Variants in REDIC1 observed in about 807,000 individuals in gnomAD.
REDIC1 encodes the protein regulator of DNA class I crossover intermediates 1.
the REDIC1 span, among the ~76,000 whole-genome samples, chr12:39,671,459 T>C: frequency 3.9e-5 from 6 of 152,192 alleles, no homozygotes; most frequent in African/African-American, 1.4e-4. Flanking sequence ...CTAGACAGCA[T>C]GTTTAGGTGC....
the REDIC1 span, among the ~76,000 whole-genome samples, chr12:39,705,548 T>C: frequency 6.6e-6 from 1 of 152,110 alleles, no homozygotes; most frequent in Non-Finnish European, 1.5e-5. Flanking sequence ...TGAATATTGA[T>C]GCAAAAATCT....
At chr12:39,739,671 A>G in the REDIC1 span, among the ~76,000 whole-genome samples, 1 of 152,218 alleles carries the variant, frequency 6.6e-6, no homozygotes. Context: ...GAAATTAATT[A>G]TAAAAGAGGC....
At chr12:39,727,989 T>C in the REDIC1 span, among the ~76,000 whole-genome samples, 1 of 152,242 alleles carries the variant, frequency 6.6e-6, no homozygotes, top group African/African-American at 2.4e-5. Flanking sequence ...CTTGTAATTT[T>C]TGCACATTGA....
chr12:39,804,001 GGAA>G, the REDIC1 span, among the ~76,000 whole-genome samples: 1 of 151,792 alleles, frequency 6.6e-6, no homozygotes, highest in African/African-American at 2.4e-5. Flanking sequence ...ATACAGTACA[GGAA>G]GAAGAAATGT....
chr12:39,700,937 C>T, the REDIC1 span, among the ~76,000 whole-genome samples: 4 of 151,506 alleles, frequency 2.6e-5, no homozygotes, highest in Admixed American at 6.6e-5. Flanking sequence ...CTGAAGGAAG[C>T]ACTAAACATG....
the REDIC1 span, among the ~76,000 whole-genome samples, chr12:39,871,100 A>G: frequency 2.0e-5 from 3 of 152,168 alleles, no homozygotes; most frequent in Non-Finnish European, 4.4e-5. Context: ...AGAAAATTAT[A>G]CCATGCAGCC....
At chr12:39,872,072 T>A in the REDIC1 span, 1 of 807,814 alleles carries the variant, frequency 1.2e-6, no homozygotes, top group Non-Finnish European at 1.8e-6. Context: ...AGAACTACAG[T>A]AATAACATCA....
At chr12:39,714,265 A>G in the REDIC1 span, among the ~76,000 whole-genome samples, 2 of 110,810 alleles carry the variant, frequency 1.8e-5, no homozygotes, top group African/African-American at 5.8e-5. Context: ...ATGCATGCAT[A>G]TATGTATATA....
the REDIC1 span, chr12:39,648,003 C>G: frequency 7.5e-7 from 1 of 1,341,106 alleles, no homozygotes; most frequent in East Asian, 2.7e-5. Flanking sequence ...TAGTTCTTAG[C>G]ATTTTATATA....
chr12:39,647,107 G>A, the REDIC1 span, among the ~76,000 whole-genome samples: 1 of 151,952 alleles, frequency 6.6e-6, no homozygotes, highest in African/African-American at 2.4e-5. Context: ...CTAGGCCTAT[G>A]TTTGCATAAC....
At chr12:39,863,491 A>G in the REDIC1 span, among the ~76,000 whole-genome samples, 11 of 152,296 alleles carry the variant, frequency 7.2e-5, no homozygotes, top group African/African-American at 2.6e-4. Flanking sequence ...AGAATATTCT[A>G]TGATTCTCAA....
At chr12:39,843,029 T>C in the REDIC1 span, among the ~76,000 whole-genome samples, 1 of 152,016 alleles carries the variant, frequency 6.6e-6, no homozygotes, top group Admixed American at 6.6e-5. Flanking sequence ...GGTATTTGGG[T>C]TATTTCTACG....
chr12:39,798,017 G>A, the REDIC1 span, among the ~76,000 whole-genome samples: 1 of 152,134 alleles, frequency 6.6e-6, no homozygotes, highest in East Asian at 1.9e-4. Context: ...GATGAAGTGT[G>A]ACTTCAGAAG....
chr12:39,655,644 G>C, the REDIC1 span, among the ~76,000 whole-genome samples: 1 of 152,266 alleles, frequency 6.6e-6, no homozygotes, highest in African/African-American at 2.4e-5. Flanking sequence ...TGCAGTGTTG[G>C]ACTTCCCTGA....
At chr12:39,852,783 A>C in the REDIC1 span, among the ~76,000 whole-genome samples, 1 of 152,188 alleles carries the variant, frequency 6.6e-6, no homozygotes, top group Admixed American at 6.5e-5. Flanking sequence ...TCCTGAAACC[A>C]ATCAGATTGG....
the REDIC1 span, among the ~76,000 whole-genome samples, chr12:39,632,998 T>C: frequency 6.6e-6 from 1 of 152,146 alleles, no homozygotes; most frequent in African/African-American, 2.4e-5. Context: ...ACTAAATTTA[T>C]GTTTAAAGAT....
the REDIC1 span, among the ~76,000 whole-genome samples, chr12:39,713,030 TA>T: frequency 7.0e-6 from 1 of 142,014 alleles, no homozygotes; most frequent in Non-Finnish European, 1.5e-5. Flanking sequence ...TATACGTGTA[TA>T]TGTATATATA....
the REDIC1 span, among the ~76,000 whole-genome samples, chr12:39,635,069 A>G: frequency 6.6e-6 from 1 of 152,230 alleles, no homozygotes; most frequent in Non-Finnish European, 1.5e-5. Context: ...TCATCAGAGA[A>G]ATGCAAATCA....
chr12:39,746,969 A>C, the REDIC1 span, among the ~76,000 whole-genome samples: 1 of 152,222 alleles, frequency 6.6e-6, no homozygotes, highest in Non-Finnish European at 1.5e-5. Flanking sequence ...AACCACAAAG[A>C]TGGGGAAAAA....
Sources: allele counts gnomAD v4.1 joint callset (sites outside exome capture counted in the v4.1 genomes callset), GRCh38; gene constraint gnomAD v4.1.1; transcripts MANE v1.5; gene names NCBI Gene and HGNC (gene_info 2026-07-23, HGNC 2026-07-21).